Variants in PASD1 observed in about 807,000 individuals in gnomAD.
PASD1 encodes the protein circadian clock protein PASD1.
PASD1 carries 13 observed loss-of-function variants against 58.8 expected under a neutral mutation model. The ratio of observed to expected loss-of-function variants is 0.22; its 90% confidence interval spans 0.14 to 0.35. The LOEUF (loss-of-function observed/expected upper bound fraction) is 0.35. Among genes scored for constraint, PASD1 ranks in the 10% least tolerant of loss-of-function variants. PASD1 has a pLI of 1.00. For missense variants in PASD1, 734 were observed against 568.3 expected, an observed-to-expected ratio of 1.29 and a Z score of -2.96; for synonymous variants, 236 against 216.7, an observed-to-expected ratio of 1.09 and a Z score of -0.78.
intron 1 of PASD1, among the ~76,000 whole-genome samples, chrX:151,588,037 C>T (rs1389137333): frequency 2.7e-5 from 3 of 112,026 alleles, no homozygotes; most frequent in Non-Finnish European, 5.6e-5. Context: ...CATTCTTTCT[C>T]ACTGATTAAA....
At chrX:151,613,979 C>T (rs1457246895) in intron 4 of PASD1, among the ~76,000 whole-genome samples, 9 of 109,286 alleles carry the variant, frequency 8.2e-5, no homozygotes, top group East Asian at 2.9e-4. Context: ...GTAGAAGAAG[C>T]GAGGGAGCTC....
At chrX:151,665,905 T>G (rs868529857) in intron 11 of PASD1, among the ~76,000 whole-genome samples, 2,749 of 107,147 alleles carry the variant, frequency 0.026, 85 homozygotes, top group African/African-American at 0.088. Context: ...TGTGTGTGTT[T>G]TTTTTTTTTT....
intron 11 of PASD1, among the ~76,000 whole-genome samples, chrX:151,669,956 T>C (rs1242592064): frequency 8.9e-6 from 1 of 112,158 alleles, no homozygotes; most frequent in Non-Finnish European, 1.9e-5. Context: ...TTTCGTTCTA[T>C]AAGGAACCTC....
intron 1 of PASD1, among the ~76,000 whole-genome samples, chrX:151,595,815 C>T (rs1319145719): frequency 8.9e-6 from 1 of 111,875 alleles, no homozygotes; most frequent in African/African-American, 3.2e-5. Context: ...CTCTGCTCCA[C>T]AAATTGTAAC....
intron 1 of PASD1, among the ~76,000 whole-genome samples, chrX:151,572,576 A>G (rs777288791): frequency 5.4e-5 from 6 of 111,720 alleles, no homozygotes; most frequent in Non-Finnish European, 1.1e-4. Context: ...CTGTTCATTT[A>G]TATATGAAAA....
Position 151,660,557 on chromosome X carries a change from C to G in PASD1, c.841+721C>G, listed in dbSNP as rs762487361. 2.9e-3 allele frequency among the ~76,000 whole-genome samples: 321 copies of G among 112,405 alleles called. 2 individuals carry two copies. The highest frequency in any genetic ancestry group is 4.6e-3 in the Middle Eastern group (1 of 216). On this transcript the variant is annotated intron_variant, in intron 10 of 15. Transcript: ENST00000370357. ...ACAATTGATTTTTGGCAGGAGAGGT[C>G]AAACTCCATGAACTCATAATTGTGA... is the stretch of plus-strand genomic sequence containing the variant.
intron 14 of PASD1, chrX:151,672,871 A>C: frequency 1.8e-6 from 1 of 540,578 alleles, no homozygotes; most frequent in Non-Finnish European, 2.8e-6. Context: ...CCATTGATGG[A>C]ACAAAGGGGT....
chrX:151,598,693 TTA>T (rs2013354202), intron 1 of PASD1, among the ~76,000 whole-genome samples: 1 of 112,246 alleles, frequency 8.9e-6, no homozygotes, highest in Non-Finnish European at 1.9e-5. Flanking sequence ...CTTTTAAAAA[TTA>T]GTTTCATTGA....
At chrX:151,663,805 T>G (rs1424440878) in intron 10 of PASD1, among the ~76,000 whole-genome samples, 1 of 111,609 alleles carries the variant, frequency 9.0e-6, no homozygotes, top group African/African-American at 3.3e-5. Flanking sequence ...TTATTTGGTT[T>G]TATCGGTTGG....
intron 4 of PASD1, 69 bp downstream of exon 4, chrX:151,611,822 T>C (rs890214318): frequency 1.5e-5 from 12 of 813,304 alleles, no homozygotes; most frequent in African/African-American, 1.3e-4. Context: ...TTATTTATTT[T>C]CTTTTTTTAT....
intron 1 of PASD1, among the ~76,000 whole-genome samples, chrX:151,564,128 A>G (rs2012790323): frequency 8.9e-6 from 1 of 112,639 alleles, no homozygotes; most frequent in Non-Finnish European, 1.9e-5. Flanking sequence ...GCACCCATTG[A>G]TTTTTCTTTG....
chrX:151,571,784 T>C (rs1364762200), intron 1 of PASD1, among the ~76,000 whole-genome samples: 1 of 112,323 alleles, frequency 8.9e-6, no homozygotes, highest in African/African-American at 3.2e-5. Flanking sequence ...TCAGCTACTT[T>C]AGCCTCCACT....
In PASD1 at chrX:151,564,786, G is replaced by A. The variant is rs112781203; in HGVS notation, c.-28+947G>A. Among the ~76,000 whole-genome samples the A allele has an allele frequency of 5.0e-3, 552 of 110,235 alleles. 2 individuals are homozygous for A. The highest frequency in any genetic ancestry group is 0.017 in the African/African-American group (518 of 30,219). ...TCAGGAGGCTGAGGTGGGAGGGATC[G>A]CTTGAGCCTGGGAGTTCGAGGTTGC... On this transcript the variant is annotated intron_variant, in intron 1 of 15. Transcript: ENST00000370357.
intron 15 of PASD1, among the ~76,000 whole-genome samples, chrX:151,675,034 A>G (rs901225890): frequency 4.5e-5 from 5 of 111,712 alleles, no homozygotes; most frequent in African/African-American, 1.3e-4. Flanking sequence ...AATAGGTCCT[A>G]TGGTTCCTAT....
Position 151,676,416 on chromosome X carries a change from C to CGCCCAG in PASD1, c.*274_*279dup. On this transcript the variant is annotated 3_prime_UTR_variant, in exon 16 of 16. Coordinates refer to ENST00000370357, the MANE Select transcript of PASD1 (RefSeq NM_173493.3). Reference sequence around the variant, plus strand: ...GCTGGATCTGATGTCTTGTCTGCCCCGCCCAGCTTTGCATATCCATGTTCT... The same window carrying CGCCCAG: ...GCTGGATCTGATGTCTTGTCTGCCCCGCCCAGGCCCAGCTTTGCATATCCATGTTCT... 3.7e-6 allele frequency: 1 copy of CGCCCAG among 268,915 alleles called. No homozygotes were observed. The highest frequency in any genetic ancestry group is 6.6e-6 in the Non-Finnish European group (1 of 152,064). 22.2% of individuals were successfully genotyped at this position (268,915 alleles called of 1,213,427 possible).
intron 8 of PASD1, among the ~76,000 whole-genome samples, chrX:151,647,750 G>T (rs2014078293): frequency 9.1e-6 from 1 of 110,279 alleles, no homozygotes; most frequent in African/African-American, 3.3e-5. Flanking sequence ...ATGGATTTTT[G>T]TCAGGGTCCT....
intron 9 of PASD1, among the ~76,000 whole-genome samples, chrX:151,654,821 AG>A (rs2014215457): frequency 9.0e-6 from 1 of 111,104 alleles, no homozygotes; most frequent in Admixed American, 9.5e-5. Flanking sequence ...TTCTAAACTC[AG>A]GGTATTTCTT....
At chrX:151,645,970 G>A (rs2014056439) in intron 8 of PASD1, among the ~76,000 whole-genome samples, 1 of 105,931 alleles carries the variant, frequency 9.4e-6, no homozygotes, top group African/African-American at 3.4e-5. Flanking sequence ...GAGTGCATTG[G>A]CGTGATCACA....
At chrX:151,656,992 G>A (rs1475693470) in intron 9 of PASD1, among the ~76,000 whole-genome samples, 2 of 111,554 alleles carry the variant, frequency 1.8e-5, no homozygotes, top group Non-Finnish European at 3.8e-5. Context: ...TTGGCTGTGG[G>A]TTTGTCATAA....
Sources: allele counts gnomAD v4.1 joint callset (sites outside exome capture counted in the v4.1 genomes callset), GRCh38; gene constraint gnomAD v4.1.1; transcripts MANE v1.5; gene names NCBI Gene and HGNC (gene_info 2026-07-23, HGNC 2026-07-21).